The following MAGI1 variants were observed in gnomAD, a reference collection of about 807,000 sequenced individuals.
The protein encoded by MAGI1 is membrane associated guanylate kinase, WW and PDZ domain containing 1.
A neutral mutation model predicts 139.9 loss-of-function variants in MAGI1; 58 were observed. That is an observed-to-expected ratio of 0.41 (90% CI 0.34 to 0.52). The LOEUF (loss-of-function observed/expected upper bound fraction) is 0.52. MAGI1 is among the 20% of genes least tolerant of loss of function. The pLI, the probability that MAGI1 is intolerant of heterozygous loss-of-function variation, is 0.12. For synonymous variants in MAGI1, 812 were observed against 737.9 expected, an observed-to-expected ratio of 1.10 and a Z score of -1.63; for missense variants, 1,874 against 1,901.6, an observed-to-expected ratio of 0.99 and a Z score of 0.27.
intron 2 of MAGI1, among the ~76,000 whole-genome samples, chr3:65,497,247 A>G (rs1258378344): frequency 6.6e-6 from 1 of 152,192 alleles, no homozygotes. Flanking sequence ...GTTTAGGGGA[A>G]AAAAAGCCAA....
intron 3 of MAGI1, among the ~76,000 whole-genome samples, chr3:65,480,649 G>T (rs916897841): frequency 7.0e-6 from 1 of 143,156 alleles, no homozygotes. Context: ...GCAATGGCAC[G>T]ATCTCGGCTC....
chr3:65,517,208 T>C (rs1219896173), intron 2 of MAGI1, among the ~76,000 whole-genome samples: 2 of 152,194 alleles, frequency 1.3e-5, no homozygotes, highest in East Asian at 3.9e-4. Context: ...CACTTGCTAT[T>C]ACTCCTCCCT....
At chr3:65,762,137 T>C (rs1430199519) in intron 1 of MAGI1, among the ~76,000 whole-genome samples, 31 of 152,070 alleles carry the variant, frequency 2.0e-4, no homozygotes, top group Admixed American at 2.0e-3. Flanking sequence ...TTTCACTAGG[T>C]ATAAGCCACT....
At chr3:66,025,631 C>T (rs1394871647) in intron 1 of MAGI1, among the ~76,000 whole-genome samples, 1 of 152,128 alleles carries the variant, frequency 6.6e-6, no homozygotes, top group African/African-American at 2.4e-5. Flanking sequence ...ATGTACTGTA[C>T]AGTCTTATTT....
intron 1 of MAGI1, among the ~76,000 whole-genome samples, chr3:66,000,739 T>C (rs919370498): frequency 2.0e-5 from 3 of 152,262 alleles, no homozygotes; most frequent in Non-Finnish European, 4.4e-5. Flanking sequence ...AATGGGTGTT[T>C]ACTTCCTGTC....
At chr3:65,448,088 G>C (rs1038831254) in intron 6 of MAGI1, 31 bp from the exon 7 acceptor site, 1 of 1,611,250 alleles carries the variant, frequency 6.2e-7, no homozygotes, top group Non-Finnish European at 8.5e-7. Flanking sequence ...GAATGAGACA[G>C]AAAAGAGAGA....
chr3:65,478,887 T>TAA, intron 3 of MAGI1, 89 bp from the exon 4 acceptor site: 24 of 806,108 alleles, frequency 3.0e-5, no homozygotes, highest in Non-Finnish European at 4.5e-5. Context: ...CTAGGCACAT[T>TAA]AAAAAAAAAA....
intron 1 of MAGI1, among the ~76,000 whole-genome samples, chr3:65,841,479 G>A (rs2058805492): frequency 6.6e-6 from 1 of 150,938 alleles, no homozygotes; most frequent in South Asian, 2.1e-4. Context: ...GCAGGATGGA[G>A]TACAGTGGTG....
intron 1 of MAGI1, among the ~76,000 whole-genome samples, chr3:65,972,441 CCTTT>C (rs1206061012): frequency 3.0e-5 from 4 of 133,696 alleles, no homozygotes; most frequent in South Asian, 2.7e-4. Flanking sequence ...CATGTTTCTT[CCTTT>C]ATTAAAATTA....
intron 1 of MAGI1, among the ~76,000 whole-genome samples, chr3:66,017,860 T>C (rs2067738312): frequency 6.6e-6 from 1 of 152,062 alleles, no homozygotes; most frequent in South Asian, 2.1e-4. Context: ...AAGAAAGGAC[T>C]CTTAGGAAAA....
chr3:65,907,545 G>A (rs1047333154), intron 1 of MAGI1: 1 of 152,200 alleles, frequency 6.6e-6, no homozygotes, highest in Non-Finnish European at 1.5e-5. Context: ...AGTAAAACGG[G>A]CACATTAAAA....
At chr3:65,519,512 G>A (rs1576159596) in intron 2 of MAGI1, among the ~76,000 whole-genome samples, 1 of 151,776 alleles carries the variant, frequency 6.6e-6, no homozygotes, top group African/African-American at 2.4e-5. Flanking sequence ...TAGCCTCCCG[G>A]GTAGCTGGGA....
chr3:65,530,152 T>C (rs2078576090), intron 2 of MAGI1, among the ~76,000 whole-genome samples: 1 of 152,182 alleles, frequency 6.6e-6, no homozygotes, highest in Non-Finnish European at 1.5e-5. Flanking sequence ...ATCAACGCCA[T>C]AATCATATCC....
At chr3:65,459,797 A>G (rs1575829224) in intron 5 of MAGI1, among the ~76,000 whole-genome samples, 1 of 152,044 alleles carries the variant, frequency 6.6e-6, no homozygotes, top group Non-Finnish European at 1.5e-5. Flanking sequence ...AGTGGCATGT[A>G]CCTGTAGTCC....
Position 65,971,076 on chromosome 3 carries a change from G to A in MAGI1, c.313+66920C>T, listed in dbSNP as rs541617904. On this transcript the variant is annotated intron_variant, in intron 1 of 22. Coordinates refer to ENST00000402939, the MANE Select transcript of MAGI1 (RefSeq NM_001033057.2). ...AAATTAGCCAGGCATGGTGGCGGGC[G>A]CCTGTAGTCCCAGCTACTCGGGAGG... Among the ~76,000 whole-genome samples the A allele has an allele frequency of 4.1e-4, 62 of 152,222 alleles. No homozygotes were observed. The Middle Eastern group carries it at 0.01, about 25-fold the overall frequency.
At chr3:65,998,090 T>C (rs1331678141) in intron 1 of MAGI1, among the ~76,000 whole-genome samples, 1 of 146,300 alleles carries the variant, frequency 6.8e-6, no homozygotes, top group African/African-American at 2.5e-5. Flanking sequence ...GCGACAGAGC[T>C]AGACTCTGTC....
chr3:65,666,304 T>C (rs1028524141), intron 1 of MAGI1, among the ~76,000 whole-genome samples: 8 of 152,168 alleles, frequency 5.3e-5, no homozygotes, highest in East Asian at 1.9e-4. Flanking sequence ...ATACTATAAA[T>C]AGTGATTTGG....
intron 12 of MAGI1, among the ~76,000 whole-genome samples, chr3:65,426,699 T>C (rs952275393): frequency 6.6e-6 from 1 of 152,226 alleles, no homozygotes; most frequent in African/African-American, 2.4e-5. Flanking sequence ...TCAGCCCTGA[T>C]TCAAGCAACT....
chr3:65,646,195 T>A (rs968507029), intron 1 of MAGI1, among the ~76,000 whole-genome samples: 1 of 149,728 alleles, frequency 6.7e-6, no homozygotes, highest in Non-Finnish European at 1.5e-5. Flanking sequence ...ATGGTGAAAG[T>A]GAAAGGATAG....
Sources: gnomAD v4.1 joint callset for allele counts (sites outside exome capture counted in the v4.1 genomes callset) on GRCh38, gnomAD v4.1.1 for gene constraint, MANE v1.5 for transcripts, NCBI Gene and HGNC (gene_info 2026-07-23, HGNC 2026-07-21) for gene names.